ZC3H12B: variants seen among roughly 807,000 people sequenced by gnomAD.
The protein encoded by ZC3H12B is zinc finger CCCH-type containing 12B, also known as probable ribonuclease ZC3H12B.
A neutral mutation model predicts 43.9 loss-of-function variants in ZC3H12B; 7 were observed. The ratio of observed to expected loss-of-function variants is 0.16; its 90% CI spans 0.09 to 0.30. ZC3H12B has a LOEUF of 0.30. ZC3H12B is among the 10% of genes least tolerant of loss of function. ZC3H12B has a pLI of 1.00. For missense variants in ZC3H12B, 475 were observed against 670.2 expected, an observed-to-expected ratio of 0.71 and a Z score of 3.22; for synonymous variants, 222 against 241.7, an observed-to-expected ratio of 0.92 and a Z score of 0.76.
At chrX:65,302,490 C>T in the ZC3H12B span, among the ~76,000 whole-genome samples, 1 of 111,198 alleles carries the variant, frequency 9.0e-6, no homozygotes, top group Admixed American at 9.5e-5. Context: ...AACTATGAAA[C>T]TCTGATGAAA....
At chrX:65,221,143 T>C in the ZC3H12B span, among the ~76,000 whole-genome samples, 2 of 111,788 alleles carry the variant, frequency 1.8e-5, no homozygotes, top group East Asian at 5.6e-4. Context: ...TAAAAAACTA[T>C]TTGAACTGAA....
At chrX:65,350,251 A>G in the ZC3H12B span, among the ~76,000 whole-genome samples, 2 of 111,912 alleles carry the variant, frequency 1.8e-5, no homozygotes, top group South Asian at 3.7e-4. Context: ...AAGCAATCAC[A>G]AAAACCTCAT....
intron 3 of ZC3H12B, among the ~76,000 whole-genome samples, chrX:65,459,325 G>C (rs1302487362): frequency 8.9e-6 from 1 of 111,841 alleles, no homozygotes; most frequent in Non-Finnish European, 1.9e-5. Context: ...CCAATCAATA[G>C]AAAAAGAGGG....
chrX:65,239,488 G>A, the ZC3H12B span, among the ~76,000 whole-genome samples: 1 of 109,560 alleles, frequency 9.1e-6, no homozygotes, highest in Non-Finnish European at 1.9e-5. Context: ...ACATGTGATG[G>A]GTCTTTTGAA....
chrX:65,201,730 G>T, the ZC3H12B span, among the ~76,000 whole-genome samples: 1 of 102,098 alleles, frequency 9.8e-6, no homozygotes, highest in Non-Finnish European at 2.0e-5. Flanking sequence ...CCTTGATATG[G>T]TTTAGCTCTG....
the ZC3H12B span, among the ~76,000 whole-genome samples, chrX:65,159,763 T>C: frequency 1.3e-4 from 14 of 111,840 alleles, no homozygotes; most frequent in Admixed American, 9.5e-5. Context: ...TTTCCTTCTC[T>C]TGCCTGATTG....
At chrX:65,334,801 A>G in the ZC3H12B span, among the ~76,000 whole-genome samples, 1 of 111,905 alleles carries the variant, frequency 8.9e-6, no homozygotes, top group Non-Finnish European at 1.9e-5. Flanking sequence ...CCATTTTTAT[A>G]TCAAATCTTA....
chrX:65,079,720 T>C, the ZC3H12B span, among the ~76,000 whole-genome samples: 2 of 111,787 alleles, frequency 1.8e-5, no homozygotes, highest in African/African-American at 6.5e-5. Context: ...ATAAGTACTT[T>C]CAAATACCTG....
chrX:65,308,449 A>C, the ZC3H12B span, among the ~76,000 whole-genome samples: 48 of 111,942 alleles, frequency 4.3e-4, no homozygotes, highest in African/African-American at 1.5e-3. Context: ...TATCCTAAGT[A>C]TATATGCAAC....
At chrX:65,334,884 C>T in the ZC3H12B span, among the ~76,000 whole-genome samples, 1 of 111,529 alleles carries the variant, frequency 9.0e-6, no homozygotes. Flanking sequence ...TACAAAGCAA[C>T]CCAATCAGCC....
chrX:65,263,005 C>A, the ZC3H12B span, among the ~76,000 whole-genome samples: 1 of 110,580 alleles, frequency 9.0e-6, no homozygotes, highest in African/African-American at 3.3e-5. Flanking sequence ...GTCATATAAA[C>A]CTGAGTTCAC....
the ZC3H12B span, among the ~76,000 whole-genome samples, chrX:65,239,258 A>G: frequency 9.0e-6 from 1 of 111,347 alleles, no homozygotes; most frequent in African/African-American, 3.3e-5. Flanking sequence ...TGGTCCTCCC[A>G]TATTGGGTGC....
intron 3 of ZC3H12B, among the ~76,000 whole-genome samples, chrX:65,442,223 T>C (rs934192639): frequency 9.1e-6 from 1 of 109,755 alleles, no homozygotes; most frequent in Admixed American, 9.9e-5. Flanking sequence ...CTAAATGTGC[T>C]TTCCCTCTGA....
intron 1 of ZC3H12B, among the ~76,000 whole-genome samples, chrX:65,495,103 A>G (rs190456490): frequency 1.8e-5 from 2 of 111,796 alleles, no homozygotes; most frequent in East Asian, 2.8e-4. Flanking sequence ...TAATTTCCCC[A>G]TTGTTCAACT....
At chrX:65,179,947 C>A in the ZC3H12B span, among the ~76,000 whole-genome samples, 1 of 111,834 alleles carries the variant, frequency 8.9e-6, no homozygotes, top group South Asian at 3.7e-4. Flanking sequence ...TGGTACCATT[C>A]ATTCTGAGAC....
chrX:65,228,422 A>G, the ZC3H12B span, among the ~76,000 whole-genome samples: 2 of 111,467 alleles, frequency 1.8e-5, 1 homozygote, highest in Non-Finnish European at 3.8e-5. Flanking sequence ...CCCACAGCCA[A>G]TATCATACTG....
intron 3 of ZC3H12B, among the ~76,000 whole-genome samples, chrX:65,436,529 T>C (rs1320700682): frequency 1.8e-5 from 2 of 112,433 alleles, no homozygotes; most frequent in African/African-American, 6.5e-5. Flanking sequence ...CCCTTACAGC[T>C]ACAACCAGAA....
chrX:65,222,607 A>AT, the ZC3H12B span, among the ~76,000 whole-genome samples: 1 of 67,885 alleles, frequency 1.5e-5, no homozygotes, highest in South Asian at 6.2e-4. Flanking sequence ...CTGCAAAATA[A>AT]TAATAATAAT....
chrX:65,439,448 G>A (rs2067273214), intron 3 of ZC3H12B, among the ~76,000 whole-genome samples: 1 of 111,550 alleles, frequency 9.0e-6, no homozygotes, highest in African/African-American at 3.3e-5. Flanking sequence ...GATTCCATAG[G>A]AATCGTTTGT....
Sources: gnomAD v4.1 joint callset for allele counts (sites outside exome capture counted in the v4.1 genomes callset) on GRCh38, gnomAD v4.1.1 for gene constraint, MANE v1.5 for transcripts, NCBI Gene and HGNC (gene_info 2026-07-23, HGNC 2026-07-21) for gene names.